The following WDR11 variants were observed in gnomAD, a reference collection of about 807,000 sequenced individuals.
WDR11 encodes WD repeat-containing protein 11.
Under a neutral mutation model 151.2 loss-of-function variants are expected in WDR11, and 83 were observed. The ratio of observed to expected loss-of-function variants is 0.55; its 90% confidence interval spans 0.46 to 0.66. WDR11 has a LOEUF of 0.66. WDR11 is among the 30% of genes least tolerant of loss of function. WDR11 has a pLI of 0.00. For missense variants in WDR11, 1,301 were observed against 1,480.9 expected, an observed-to-expected ratio of 0.88 and a Z score of 1.99; for synonymous variants, 484 against 533.1, an observed-to-expected ratio of 0.91 and a Z score of 1.27.
Position 120,890,712 on chromosome 10 carries a change from G to A in WDR11, c.2344-4G>A. The A allele has an allele frequency of 6.2e-7, 1 of 1,614,122 alleles. No individual in the cohort carries two copies. Among genetic ancestry groups the A allele is most frequent in the Non-Finnish European group, 8.5e-7 (1 of 1,180,012 alleles). On this transcript the variant is annotated splice_polypyrimidine_tract_variant and splice_region_variant and intron_variant, in intron 18 of 28. Transcript: ENST00000263461. ...GGAAGTGATGCCCAAATTCACTCTT[G>A]AAGGTTCAGATGGTGAGCAGTTTAA...
intron 21 of WDR11, 80 bp from the exon 22 acceptor site, chr10:120,902,177 A>G: frequency 8.7e-7 from 1 of 1,148,558 alleles, no homozygotes; most frequent in African/African-American, 1.5e-5. Flanking sequence ...TTTTCATTTC[A>G]AGAGTATATT....
chr10:120,900,392 A>C (rs950275253), intron 20 of WDR11, among the ~76,000 whole-genome samples: 2 of 151,936 alleles, frequency 1.3e-5, no homozygotes, highest in East Asian at 3.9e-4. Context: ...CTGAACATGG[A>C]TGTGTCGTGA....
chr10:120,902,569 T>C (rs1267107595), intron 22 of WDR11, among the ~76,000 whole-genome samples: 1 of 152,054 alleles, frequency 6.6e-6, no homozygotes, highest in Non-Finnish European at 1.5e-5. Flanking sequence ...ATATGTGTTT[T>C]AAAATATCAG....
intron 13 of WDR11, among the ~76,000 whole-genome samples, chr10:120,882,814 T>C (rs113088176): frequency 1.4e-3 from 211 of 152,218 alleles, no homozygotes; most frequent in African/African-American, 5.0e-3. Context: ...CCATTTTCAA[T>C]TTCATTGTCT....
intron 9 of WDR11, among the ~76,000 whole-genome samples, chr10:120,870,030 C>T (rs1019682449): frequency 3.3e-5 from 5 of 152,104 alleles, no homozygotes; most frequent in African/African-American, 7.2e-5. Context: ...CCTCGTGATC[C>T]GGTTGCCTCG....
At chr10:120,863,708 CTTTATT>C (rs1375322916) in intron 5 of WDR11, among the ~76,000 whole-genome samples, 1 of 151,994 alleles carries the variant, frequency 6.6e-6, no homozygotes, top group Non-Finnish European at 1.5e-5. Flanking sequence ...TTCAGATAGC[CTTTATT>C]TTTAATATGC....
intron 5 of WDR11, among the ~76,000 whole-genome samples, chr10:120,863,854 T>G (rs1437463112): frequency 6.6e-6 from 1 of 152,184 alleles, no homozygotes; most frequent in Non-Finnish European, 1.5e-5. Context: ...ATAGGCTGGT[T>G]AAGTTCACTA....
intron 3 of WDR11, among the ~76,000 whole-genome samples, chr10:120,859,070 T>G (rs1846044508): frequency 1.3e-5 from 2 of 152,188 alleles, no homozygotes; most frequent in South Asian, 2.1e-4. Context: ...AAAAAGTAAG[T>G]GGTACAATCT....
intron 19 of WDR11, among the ~76,000 whole-genome samples, chr10:120,895,843 G>A (rs1026203709): frequency 6.6e-5 from 10 of 152,132 alleles, no homozygotes; most frequent in African/African-American, 2.4e-4. Context: ...CTGTTGGCAA[G>A]GCTATGAGGA....
chr10:120,895,842 A>G (rs768225422), intron 19 of WDR11, among the ~76,000 whole-genome samples: 6 of 152,214 alleles, frequency 3.9e-5, no homozygotes, highest in Non-Finnish European at 8.8e-5. Context: ...TCTGTTGGCA[A>G]GGCTATGAGG....
chr10:120,906,080 C>G, intron 27 of WDR11, 59 bp downstream of exon 27: 1 of 1,612,120 alleles, frequency 6.2e-7, no homozygotes, highest in South Asian at 1.1e-5. Flanking sequence ...ACTTCATGTT[C>G]TCTCGCGGTT....
At chr10:120,867,908 G>A (rs561281048) in intron 9 of WDR11, among the ~76,000 whole-genome samples, 9 of 152,284 alleles carry the variant, frequency 5.9e-5, no homozygotes, top group African/African-American at 2.2e-4. Context: ...AGTGTTCAAA[G>A]TTATTTAATT....
In WDR11 at chr10:120,906,805, T is replaced by G; in HGVS notation, c.3467T>G (p.Phe1156Cys). 6.2e-7 allele frequency: 1 copy of G among 1,614,166 alleles called. No homozygotes were observed. The highest frequency in any genetic ancestry group is 1.7e-5 in the Admixed American group (1 of 60,028). The change falls in exon 28 of 29, where the codon TTT becomes TGT. Residue 1156 changes from phenylalanine to cysteine, a missense_variant. Around this residue, in one of 3 missense-constraint regions of WDR11, gnomAD observed 589 missense variants for 670.6 expected, o/e 0.88. Coordinates refer to ENST00000263461, the MANE Select transcript of WDR11 (RefSeq NM_018117.12). ...AGATACTTTGATAGAGCAGCCTTAT[T>G]TGTGGAAGCTTGCCTCAAGTATGGA... ...SMRYFDRAAL[F>C]VEACLKYGAF...
rs777873618 is a variant in WDR11, at chr10:120,890,700, A to G, written c.2344-16A>G. The G allele has an allele frequency of 1.9e-6, 3 of 1,614,172 alleles. No individual in the cohort carries two copies. The highest frequency in any genetic ancestry group is 8.5e-7 in the Non-Finnish European group (1 of 1,180,020). On this transcript the variant is annotated splice_polypyrimidine_tract_variant and intron_variant, in intron 18 of 28. Coordinates refer to ENST00000263461, the MANE Select transcript of WDR11 (RefSeq NM_018117.12). The stretch of plus-strand genomic sequence containing the variant: ...CCTTTTCTGTCTGGAAGTGATGCCC[A>G]AATTCACTCTTGAAGGTTCAGATGG...
At position 120,851,517 on chromosome 10, in the gene WDR11, C is replaced by A; in HGVS notation, c.86+11C>A. On this transcript the variant is annotated intron_variant, in intron 1 of 28. Transcript: ENST00000263461. ...GGCGGCGGTGGACTGGTGAGGACGCCGAGCTTCCAGGTCGCCAGGATCGGC... is the reference window on the plus strand; with the variant it reads ...GGCGGCGGTGGACTGGTGAGGACGCAGAGCTTCCAGGTCGCCAGGATCGGC... 3.7e-6 allele frequency: 6 copies of A among 1,608,248 alleles called. No individual in the cohort carries two copies. Among genetic ancestry groups the A allele is most frequent in the Non-Finnish European group, 5.1e-6 (6 of 1,178,350 alleles).
chr10:120,878,252 G>C (rs1285153057), intron 11 of WDR11, 101 bp from the exon 12 acceptor site: 5 of 850,450 alleles, frequency 5.9e-6, no homozygotes, highest in African/African-American at 5.1e-5. Flanking sequence ...ATTAATTTGT[G>C]TAATAAAATT....
Position 120,867,145 on chromosome 10 carries a change from G to C in WDR11, c.1270G>C (p.Asp424His). 6.2e-7 allele frequency: 1 copy of C among 1,613,690 alleles called. No homozygotes were observed. The highest frequency in any genetic ancestry group is 8.5e-7 in the Non-Finnish European group (1 of 1,179,794). ...PVGVLQNKLP[D>H]LSLDNMIGQS... Reference sequence around the variant, plus strand: ...AGGAGTGCTACAGAATAAACTCCCAGACCTTTCCTTAGATAACATGATTGG... The same window carrying C: ...AGGAGTGCTACAGAATAAACTCCCACACCTTTCCTTAGATAACATGATTGG... Residue 424 changes from aspartate (D) to histidine (H), a missense_variant, in exon 9 of 29, where the codon GAC becomes CAC. Coordinates refer to ENST00000263461, the MANE Select transcript of WDR11 (RefSeq NM_018117.12).
chr10:120,890,776 G>A lies in WDR11; in HGVS notation c.2404G>A (p.Asp802Asn). The A allele has an allele frequency of 6.2e-7, 1 of 1,614,200 alleles. No homozygotes were observed. The highest frequency in any genetic ancestry group is 8.5e-7 in the Non-Finnish European group (1 of 1,180,046). Residue 802 changes from aspartate to asparagine, a missense_variant, in exon 19 of 29, where the codon GAC becomes AAC. By Grantham distance (23) the Asp-to-Asn change is conservative (BLOSUM62 1). This residue lies in a region of WDR11 where 589 missense variants were observed against 670.6 expected (regional missense o/e 0.88). Transcript: ENST00000263461. ...RNVTFRILDVDWCTSDKVILA... is the reference protein window; with the variant it reads ...RNVTFRILDVNWCTSDKVILA... ...TGTGACCTTTCGTATATTGGATGTGGACTGGTGTACGTCAGATAAAGTGAT... is the reference window on the plus strand; with the variant it reads ...TGTGACCTTTCGTATATTGGATGTGAACTGGTGTACGTCAGATAAAGTGAT...
Position 120,862,817 on chromosome 10 carries a change from A to G in WDR11, c.609A>G (p.Ile203Met), listed in dbSNP as rs1226825185. The G allele has an allele frequency of 7.4e-6, 12 of 1,614,008 alleles. No homozygotes were observed. In the Admixed American group the frequency reaches 1.5e-4, roughly 20 times the overall value. Residue 203 changes from isoleucine to methionine, a missense_variant, in exon 5 of 29, where the codon ATA becomes ATG. Ile to Met is a conservative substitution (Grantham distance 10). Around this residue, in one of 3 missense-constraint regions of WDR11, gnomAD observed 692 missense variants for 762.5 expected, o/e 0.91. Transcript: ENST00000263461. ...CAGGCCCTGGGAAAAAAGTTTACAT[A>G]TCCAGCCCACACTCTAGCCCAGCTC... ...PPSGPGKKVY[I>M]SSPHSSPAHN...
Sources: allele counts gnomAD v4.1 joint callset (sites outside exome capture counted in the v4.1 genomes callset), GRCh38; gene constraint gnomAD v4.1.1; regional missense constraint gnomAD v4.1.1; transcripts MANE v1.5; gene names NCBI Gene and HGNC (gene_info 2026-07-23, HGNC 2026-07-21).